The following CNIH3 variants were observed in gnomAD, a reference collection of about 807,000 sequenced individuals.
The protein encoded by CNIH3 is cornichon family AMPA receptor auxiliary protein 3, also known as protein cornichon homolog 3.
A neutral mutation model predicts 24.1 loss-of-function variants in CNIH3; 14 were observed. The ratio of observed to expected loss-of-function variants is 0.58; its 90% CI spans 0.38 to 0.91. CNIH3 has a LOEUF of 0.91. Ranked by LOEUF, CNIH3 falls within the 40% of genes least tolerant of loss-of-function variation. The pLI, the probability that CNIH3 is intolerant of heterozygous loss-of-function variation, is 0.00. For missense variants in CNIH3, 178 were observed against 196.8 expected (o/e 0.90, Z 0.57); for synonymous variants, 68 against 73.8 (o/e 0.92, Z 0.40).
chr1:224,630,582 T>C (rs1683769841), intron 1 of CNIH3, among the ~76,000 whole-genome samples: 1 of 151,488 alleles, frequency 6.6e-6, no homozygotes, highest in Admixed American at 6.6e-5. Context: ...TTGTGGAGGA[T>C]AGAATTTGCT....
At chr1:224,600,806 A>C (rs1682175845) in intron 3 of CNIH3, among the ~76,000 whole-genome samples, 1 of 152,232 alleles carries the variant, frequency 6.6e-6, no homozygotes, top group Non-Finnish European at 1.5e-5. Context: ...ACGGGGTCAT[A>C]AGGGTGCAAC....
intron 1 of CNIH3, among the ~76,000 whole-genome samples, chr1:224,443,867 G>A (rs1470269894): frequency 6.6e-6 from 1 of 152,132 alleles, no homozygotes; most frequent in Non-Finnish European, 1.5e-5. Context: ...GGGATTCAGT[G>A]TTTATGGAAG....
At chr1:224,728,631 G>C (rs762848301) in intron 3 of CNIH3, among the ~76,000 whole-genome samples, 2 of 152,180 alleles carry the variant, frequency 1.3e-5, no homozygotes, top group African/African-American at 4.8e-5. Flanking sequence ...TAATGTGTGC[G>C]TATGTGTTTC....
At chr1:224,673,578 C>T (rs969251101) in intron 1 of CNIH3, among the ~76,000 whole-genome samples, 7 of 152,218 alleles carry the variant, frequency 4.6e-5, no homozygotes, top group Admixed American at 4.6e-4. Context: ...AGAGAGGCTT[C>T]CCTGATCACT....
chr1:224,628,182 C>T (rs997864666), intron 1 of CNIH3, among the ~76,000 whole-genome samples: 5 of 152,116 alleles, frequency 3.3e-5, no homozygotes, highest in South Asian at 2.1e-4. Context: ...TCTCTGTATT[C>T]GCCGGCTACC....
At chr1:224,580,146 A>T (rs1447287588) in intron 4 of CNIH3, among the ~76,000 whole-genome samples, 1 of 152,204 alleles carries the variant, frequency 6.6e-6, no homozygotes, top group African/African-American at 2.4e-5. Flanking sequence ...TGCTGAGGGA[A>T]TGACGGGCTG....
intron 1 of CNIH3, among the ~76,000 whole-genome samples, chr1:224,651,669 G>A (rs1684865149): frequency 6.6e-6 from 1 of 152,166 alleles, no homozygotes; most frequent in Non-Finnish European, 1.5e-5. Flanking sequence ...TGAGTTAATC[G>A]GTAAAGGTCT....
At chr1:224,499,308 G>A (rs185986812) in intron 1 of CNIH3, among the ~76,000 whole-genome samples, 1 of 152,246 alleles carries the variant, frequency 6.6e-6, no homozygotes, top group Non-Finnish European at 1.5e-5. Context: ...TAAGGGTGAA[G>A]GGCAGGCCAT....
At chr1:224,544,850 T>C (rs1190866962) in intron 2 of CNIH3, among the ~76,000 whole-genome samples, 4 of 152,230 alleles carry the variant, frequency 2.6e-5, no homozygotes, top group Non-Finnish European at 1.5e-5. Context: ...GGCTTCTCCC[T>C]GCCTCCTACT....
At chr1:224,483,760 G>T (rs1056908641) in intron 1 of CNIH3, among the ~76,000 whole-genome samples, 1 of 151,988 alleles carries the variant, frequency 6.6e-6, no homozygotes, top group Non-Finnish European at 1.5e-5. Context: ...GTGTTCCTGT[G>T]GGGGATGACA....
intron 1 of CNIH3, among the ~76,000 whole-genome samples, chr1:224,468,025 C>T (rs1362183999): frequency 6.7e-6 from 1 of 149,454 alleles, no homozygotes; most frequent in Non-Finnish European, 1.5e-5. Context: ...TCTATTGTTT[C>T]CTCTATTATA....
intron 3 of CNIH3, among the ~76,000 whole-genome samples, chr1:224,691,166 G>A (rs1463869500): frequency 1.3e-5 from 2 of 152,190 alleles, no homozygotes; most frequent in African/African-American, 4.8e-5. Context: ...AATTGGCAGG[G>A]CCTGGTGAGA....
rs376539108 is a variant in CNIH3, at chr1:224,504,356, T to C, written n.204-11385T>C. 2.0e-5 allele frequency among the ~76,000 whole-genome samples: 3 copies of C among 152,354 alleles called. No homozygotes were observed. In the South Asian group the frequency reaches 6.2e-4, roughly 32 times the overall value. On this transcript the variant is annotated intron_variant and non_coding_transcript_variant, in intron 1 of 5. Transcript: ENST00000471578. Reference sequence around the variant, plus strand: ...AGTTTTGTGCAAGCATTTTGTAAACTATGGTGTGTTCTTTAAAAATGTAGG... The same window carrying C: ...AGTTTTGTGCAAGCATTTTGTAAACCATGGTGTGTTCTTTAAAAATGTAGG...
chr1:224,587,205 T>G (rs1681547965), intron 5 of CNIH3: 1 of 152,128 alleles, frequency 6.6e-6, no homozygotes. Context: ...GAGCAGGCAA[T>G]AGTGAAGAGT....
Position 224,459,328 on chromosome 1 carries a change from C to A in CNIH3, n.203+24466C>A, listed in dbSNP as rs918382131. ...CTGACTGTTTATTCCGGGTCTTTAA[C>A]AAAGTGATGAAAAGAAATCCTTGCA... is the stretch of plus-strand genomic sequence containing the variant. On this transcript the variant is annotated intron_variant and non_coding_transcript_variant, in intron 1 of 5. Coordinates refer to the CNIH3 transcript ENST00000471578. The A allele has an allele frequency of 1.0e-4, 61 of 583,252 alleles. No homozygotes were observed. The African/African-American group carries it at 1.1e-3, about 11-fold the overall frequency. 36.1% of individuals were successfully genotyped at this position (583,252 alleles called of 1,614,324 possible). A position where few individuals can be genotyped will look rare whatever the true frequency, so the allele number is the denominator to read the frequency against.
chr1:224,597,581 G>T (rs1682038426), intron 3 of CNIH3, among the ~76,000 whole-genome samples: 1 of 152,168 alleles, frequency 6.6e-6, no homozygotes, highest in Non-Finnish European at 1.5e-5. Flanking sequence ...GGTACAGAAA[G>T]CTTCCAGACA....
At chr1:224,657,328 G>T (rs7549213) in intron 1 of CNIH3, among the ~76,000 whole-genome samples, 1 of 152,010 alleles carries the variant, frequency 6.6e-6, no homozygotes, top group African/African-American at 2.4e-5. Flanking sequence ...AAGCCAGTCC[G>T]CTATGGTTTG....
At chr1:224,522,938 A>G (rs1371281745) in intron 2 of CNIH3, among the ~76,000 whole-genome samples, 2 of 152,214 alleles carry the variant, frequency 1.3e-5, no homozygotes, top group African/African-American at 4.8e-5. Flanking sequence ...AAGAAAAAAC[A>G]CAAAAAATGT....
intron 1 of CNIH3, among the ~76,000 whole-genome samples, chr1:224,617,599 C>T (rs916069877): frequency 2.0e-5 from 3 of 152,220 alleles, no homozygotes; most frequent in Non-Finnish European, 4.4e-5. Flanking sequence ...GGAGAAGCGC[C>T]GCCGTCGGTC....
Sources: gnomAD v4.1 joint callset for allele counts (sites outside exome capture counted in the v4.1 genomes callset) on GRCh38, gnomAD v4.1.1 for gene constraint, MANE v1.5 for transcripts, NCBI Gene and HGNC (gene_info 2026-07-23, HGNC 2026-07-21) for gene names.